Variants in RANBP6 observed in about 807,000 individuals in gnomAD.
RANBP6 encodes the protein RAN binding protein 6.
RANBP6 carries 10 observed loss-of-function variants against 35.3 expected under a neutral mutation model. The observed-to-expected ratio is 0.28, with a 90% confidence interval of 0.17 to 0.48. RANBP6 has a LOEUF of 0.48. Among genes scored for constraint, RANBP6 ranks in the 20% least tolerant of loss-of-function variants. RANBP6 has a pLI of 0.99. For missense variants in RANBP6, 1,392 were observed against 1,307.7 expected, an observed-to-expected ratio of 1.06 and a Z score of -0.99; for synonymous variants, 514 against 464.2, an observed-to-expected ratio of 1.11 and a Z score of -1.38.
rs749821590 is a variant in RANBP6 at position 6,013,315 on chromosome 9, T to C, written c.2293A>G (p.Ile765Val). Reference protein sequence around the residue: ...QFICDPLIKAIGTEPDTDVLS... With the variant: ...QFICDPLIKAVGTEPDTDVLS... ...ACATCTGTATCTGGTTCAGTACCAATAGCCTTGATTAAGGGGTCACATATG... is the reference window on the plus strand; with the variant it reads ...ACATCTGTATCTGGTTCAGTACCAACAGCCTTGATTAAGGGGTCACATATG... Residue 765 changes from isoleucine to valine, a missense_variant, in exon 1 of 1, where the codon ATT (isoleucine) becomes GTT (valine). Physicochemically the swap from Ile to Val is conservative, Grantham distance 29 (BLOSUM62 3). Transcript: ENST00000259569. 61 of 1,614,088 alleles carry C rather than the reference T, an allele frequency of 3.8e-5. No homozygotes were observed. Among genetic ancestry groups the C allele is most frequent in the Non-Finnish European group, 4.9e-5 (58 of 1,180,008 alleles).
rs1364629046 is a variant in RANBP6, at chr9:6,015,167, T to A, written c.441A>T (p.Ser147=). The A allele has an allele frequency of 1.2e-6, 2 of 1,614,108 alleles. No homozygotes were observed. ...WPEGLKFLID[S]IYSKNVVLWE... ...ATAGAACCACATTTTTGGAGTAGATTGAATCAATAAGAAACTTCAGACCTT... is the reference window on the plus strand; with the variant it reads ...ATAGAACCACATTTTTGGAGTAGATAGAATCAATAAGAAACTTCAGACCTT... The change falls in exon 1 of 1, where the codon TCA becomes TCT. Residue 147 remains serine (S), a synonymous_variant. Transcript: ENST00000259569.
chr9:6,012,603 G>A lies in RANBP6; in HGVS notation c.3005C>T (p.Pro1002Leu). 6.2e-7 allele frequency: 1 copy of A among 1,614,060 alleles called. No homozygotes were observed. The highest frequency in any genetic ancestry group is 8.5e-7 in the Non-Finnish European group (1 of 1,180,006). The change falls in exon 1 of 1, where the codon CCA becomes CTA. Residue 1002 changes from proline (P) to leucine (L), a missense_variant. Physicochemically the swap from Pro to Leu is moderately conservative, Grantham distance 98 (BLOSUM62 -3). Coordinates refer to ENST00000259569, the MANE Select transcript of RANBP6 (RefSeq NM_012416.4). ...CAGTGGAAGCCATGATAACCAGTGT[G>A]GAAGAACTTCATCTACATTTACACA... ...PNCVNVDEVL[P>L]HWLSWLPLHE...
chr9:6,012,043 G>C lies in RANBP6; in HGVS notation c.*247C>G. On this transcript the variant is annotated 3_prime_UTR_variant, in exon 1 of 1. Transcript: ENST00000259569. ...AATTTATATACTTTACATCAACTAG[G>C]GGAAAGGTGACAAACATTGTTTAAG... 2 of 340,748 alleles carry C rather than the reference G, an allele frequency of 5.9e-6. No individual in the cohort carries two copies. 21.1% of individuals were successfully genotyped at this position (340,748 alleles called of 1,614,324 possible).
At position 6,014,300 on chromosome 9, in the gene RANBP6, T is replaced by C; in HGVS notation, c.1308A>G (p.Thr436=). The C allele has an allele frequency of 6.2e-7, 1 of 1,614,246 alleles. No homozygotes were observed. The highest frequency in any genetic ancestry group is 8.5e-7 in the Non-Finnish European group (1 of 1,180,040). Residue 436 remains threonine (T), a synonymous_variant, in exon 1 of 1, where the codon ACA becomes ACG. Transcript: ENST00000259569. ...TCTTTTGGAAATTAGGTGCAAAATC[T>C]GTAGCCATCTGTCCAAGTGTAGTAC... ...AACTTLGQMA[T]DFAPNFQKKF... is the part of the protein sequence containing the mutation.
rs1478637149 is a variant in RANBP6, at chr9:6,014,087, C to T, written c.1521G>A (p.Glu507=). The change falls in exon 1 of 1, where the codon GAG becomes GAA. Residue 507 remains glutamate (E), a synonymous_variant. Transcript: ENST00000259569. ...CCAACTTAGTTCCATTCCGAATCAA[C>T]TCTTGAAGTTTAATCACCAAGACGG... ...LHSVLVIKLQ[E]LIRNGTKLAL... The T allele has an allele frequency of 1.9e-6, 3 of 1,613,990 alleles. No homozygotes were observed. Among genetic ancestry groups the T allele is most frequent in the Admixed American group, 1.7e-5 (1 of 60,012 alleles).
At position 6,013,295 on chromosome 9, in the gene RANBP6, T is replaced by C. The variant is rs757517853; in HGVS notation, c.2313A>G (p.Thr771=). 6 of 1,614,218 alleles carry C rather than the reference T, an allele frequency of 3.7e-6. No individual in the cohort carries two copies. In the South Asian group the frequency reaches 6.6e-5, roughly 18 times the overall value. The change falls in exon 1 of 1, where the codon ACA becomes ACG. Residue 771 remains threonine (T), a synonymous_variant. Coordinates refer to ENST00000259569, the MANE Select transcript of RANBP6 (RefSeq NM_012416.4). The part of the protein sequence containing the change: ...LIKAIGTEPD[T]DVLSEIMNSF... ...AATTCATTATTTCTGAGAGCACATC[T>C]GTATCTGGTTCAGTACCAATAGCCT...
In RANBP6 at chr9:6,014,095, G is replaced by C. The variant is rs767418443; in HGVS notation, c.1513C>G (p.Leu505Val). ...GTTCCATTCCGAATCAACTCTTGAA[G>C]TTTAATCACCAAGACGGAATGTAGA... ...KNLHSVLVIK[L>V]QELIRNGTKL... Residue 505 changes from leucine to valine, a missense_variant, in exon 1 of 1, where the codon CTT becomes GTT. Transcript: ENST00000259569. 6.2e-7 allele frequency: 1 copy of C among 1,614,028 alleles called. No individual in the cohort carries two copies.
rs562461096 is a variant in RANBP6 at position 6,011,645 on chromosome 9, A to C, written c.*645T>G. 2.6e-5 allele frequency: 4 copies of C among 152,322 alleles called. No homozygotes were observed. The South Asian group carries it at 8.3e-4, about 32-fold the overall frequency. The allele number at this position is 152,322 out of a possible 1,614,324, so 9.4% of individuals were successfully genotyped here. A position where few individuals can be genotyped will look rare whatever the true frequency, so the allele number is the denominator to read the frequency against. ...CTTGGAGTCCTGGATAACTTAAAAA[A>C]ATAGAGACCTGTCTGGCTAAAGAAA... On this transcript the variant is annotated 3_prime_UTR_variant, in exon 1 of 1. Coordinates refer to ENST00000259569, the MANE Select transcript of RANBP6 (RefSeq NM_012416.4).
rs753822820 is a variant in RANBP6 at position 6,014,335 on chromosome 9, C to T, written c.1273G>A (p.Ala425Thr). 1.9e-6 allele frequency: 3 copies of T among 1,613,962 alleles called. No individual in the cohort carries two copies. In the African/African-American group the frequency reaches 4.0e-5, roughly 22 times the overall value. Residue 425 changes from alanine to threonine, a missense_variant, in exon 1 of 1, where the codon GCT (alanine) becomes ACT (threonine). Transcript: ENST00000259569. ...TGTCCAAGTGTAGTACAGGCTGCAG[C>T]CCTCACCCTTGGATGAGGATCCTGA... The part of the protein sequence containing the change: ...FLQDPHPRVR[A>T]AACTTLGQMA...
chr9:6,012,144 C>T lies in RANBP6; in HGVS notation c.*146G>A. The T allele has an allele frequency of 3.2e-6, 2 of 615,576 alleles. No individual in the cohort carries two copies. Among genetic ancestry groups the T allele is most frequent in the East Asian group, 2.9e-5 (1 of 33,962 alleles). The allele number at this position is 615,576 out of a possible 1,614,324, so 38.1% of individuals were successfully genotyped here. On this transcript the variant is annotated 3_prime_UTR_variant, in exon 1 of 1. Coordinates refer to ENST00000259569, the MANE Select transcript of RANBP6 (RefSeq NM_012416.4). The stretch of plus-strand genomic sequence containing the variant: ...ATGCGAGATAAACAGAGGACTAACA[C>T]TGATTAATTCTGGAGAAACATGGAG...
rs1186992924 is a variant in RANBP6 at position 6,015,527 on chromosome 9, G to T, written c.81C>A (p.Ile27=). The T allele has an allele frequency of 1.9e-6, 3 of 1,612,982 alleles. No individual in the cohort carries two copies. Among genetic ancestry groups the T allele is most frequent in the African/African-American group, 2.7e-5 (2 of 75,048 alleles). ...GCCTCCGCACCATACAGCTTGGATT[G>T]ATCAGGTTCTTCAGAAGCTGGTAAA... ...QEFYQLLKNL[I]NPSCMVRRQA... The change falls in exon 1 of 1, where the codon ATC becomes ATA. Residue 27 remains isoleucine (I), a synonymous_variant. Transcript: ENST00000259569.
chr9:6,015,250 T>C lies in RANBP6; in HGVS notation c.358A>G (p.Ile120Val), dbSNP rs537072349. The change falls in exon 1 of 1, where the codon ATT becomes GTT. Residue 120 changes from isoleucine to valine, a missense_variant. Transcript: ENST00000259569. ...HASMRKKLCD[I>V]FAVLARNLID... Reference sequence around the variant, plus strand: ...AAATTCCTGGCCAGCACTGCAAAAATATCACAAAGTTTTTTCCTCATGCTA... The same window carrying C: ...AAATTCCTGGCCAGCACTGCAAAAACATCACAAAGTTTTTTCCTCATGCTA... 5 of 1,614,172 alleles carry C rather than the reference T, an allele frequency of 3.1e-6. No homozygotes were observed. The highest frequency in any genetic ancestry group is 1.3e-5 in the African/African-American group (1 of 75,048).
rs766011760 is a variant in RANBP6, at chr9:6,014,924, T to C, written c.684A>G (p.Gly228=). ...LFKDFADLLP[G]ILQAVNDSCY... ...ATGAGTCATTCACAGCCTGTAAGAT[T>C]CCAGGAAGCAAGTCTGCAAAGTCTT... The change falls in exon 1 of 1, where the codon GGA becomes GGG. Residue 228 remains glycine, a synonymous_variant. Coordinates refer to ENST00000259569, the MANE Select transcript of RANBP6 (RefSeq NM_012416.4). 2 of 1,614,150 alleles carry C rather than the reference T, an allele frequency of 1.2e-6. No individual in the cohort carries two copies. The highest frequency in any genetic ancestry group is 4.5e-5 in the East Asian group (2 of 44,886).
rs1204868828 is a variant in RANBP6, at chr9:6,015,299, C to G, written c.309G>C (p.Leu103=). ...VQRDVKIELI[L]AVKLETHASM... ...TAGCATGTGTTTCTAACTTAACAGCCAGAATCAGTTCAATCTTGACATCTC... is the reference window on the plus strand; with the variant it reads ...TAGCATGTGTTTCTAACTTAACAGCGAGAATCAGTTCAATCTTGACATCTC... Residue 103 remains leucine, a synonymous_variant, in exon 1 of 1, where the codon CTG becomes CTC. Transcript: ENST00000259569. 6.2e-7 allele frequency: 1 copy of G among 1,614,208 alleles called. No homozygotes were observed. Among genetic ancestry groups the G allele is most frequent in the East Asian group, 2.2e-5 (1 of 44,886 alleles).
rs754303239 is a variant in RANBP6, at chr9:6,014,744, G to A, written c.864C>T (p.Leu288=). ...TTTCAGACAAGGTCACTATAACTTC[G>A]AGGGCCAGCTGGCGCTGCAGATTAC... ...RLSNLQRQLA[L]EVIVTLSETA... is the part of the protein sequence containing the mutation. Residue 288 remains leucine (L), a synonymous_variant, in exon 1 of 1, where the codon CTC becomes CTT. Coordinates refer to ENST00000259569, the MANE Select transcript of RANBP6 (RefSeq NM_012416.4). 5.6e-6 allele frequency: 9 copies of A among 1,613,958 alleles called. No homozygotes were observed. Among genetic ancestry groups the A allele is most frequent in the Non-Finnish European group, 7.6e-6 (9 of 1,180,040 alleles).
In RANBP6 at chr9:6,011,523, T is replaced by A. The variant is rs1842470088; in HGVS notation, c.*767A>T. 1 of 152,202 alleles carries A rather than the reference T, an allele frequency of 6.6e-6. No individual in the cohort carries two copies. The highest frequency in any genetic ancestry group is 2.1e-4 in the South Asian group (1 of 4,830). The allele number at this position is 152,202 out of a possible 1,614,324, so 9.4% of individuals were successfully genotyped here. Reference sequence around the variant, plus strand: ...AATACTCTGCTGAAACACATAACACTGACTCCCAAGAATACTGCTTACTTA... The same window carrying A: ...AATACTCTGCTGAAACACATAACACAGACTCCCAAGAATACTGCTTACTTA... On this transcript the variant is annotated 3_prime_UTR_variant, in exon 1 of 1. Coordinates refer to ENST00000259569, the MANE Select transcript of RANBP6 (RefSeq NM_012416.4).
rs1304730762 is a variant in RANBP6, at chr9:6,014,228, A to T, written c.1380T>A (p.Asn460Lys). Residue 460 changes from asparagine (N) to lysine (K), a missense_variant, in exon 1 of 1, where the codon AAT becomes AAA. Asn to Lys is a moderately conservative substitution (Grantham distance 94). Coordinates refer to ENST00000259569, the MANE Select transcript of RANBP6 (RefSeq NM_012416.4). The part of the protein sequence containing the change: ...VIAALLRTME[N>K]QGNQRVQSHA... ...GTGATTGCACACGCTGATTACCTTG[A>T]TTTTCCATGGTACGTAACAGAGCTG... is the stretch of plus-strand genomic sequence containing the variant. The T allele has an allele frequency of 6.2e-7, 1 of 1,613,762 alleles. No homozygotes were observed. The highest frequency in any genetic ancestry group is 1.7e-5 in the Admixed American group (1 of 59,962).
Position 6,012,190 on chromosome 9 carries a change from CA to C in RANBP6, c.*99del. 1 of 892,070 alleles carries C rather than the reference CA, an allele frequency of 1.1e-6. No homozygotes were observed. Among genetic ancestry groups the C allele is most frequent in the Non-Finnish European group, 1.6e-6 (1 of 615,422 alleles). 55.3% of individuals were successfully genotyped at this position (892,070 alleles called of 1,614,324 possible). On this transcript the variant is annotated 3_prime_UTR_variant, in exon 1 of 1. Coordinates refer to ENST00000259569, the MANE Select transcript of RANBP6 (RefSeq NM_012416.4). ...TGGAGAAGAACTATAAACTGCTTAG[CA>C]GGGAGAAAACAGTTCTCTGATTTAT... is the stretch of plus-strand genomic sequence containing the variant.
rs1218398368 is a variant in RANBP6, at chr9:6,014,126, C to G, written c.1482G>C (p.Val494=). 2 of 1,614,004 alleles carry G rather than the reference C, an allele frequency of 1.2e-6. No homozygotes were observed. The highest frequency in any genetic ancestry group is 2.2e-5 in the East Asian group (1 of 44,886). Residue 494 remains valine (V), a synonymous_variant, in exon 1 of 1, where the codon GTG becomes GTC. Coordinates refer to ENST00000259569, the MANE Select transcript of RANBP6 (RefSeq NM_012416.4). ...SLLVLYVDSM[V]KNLHSVLVIK... ...TCACCAAGACGGAATGTAGATTTTT[C>G]ACCATACTATCCACATATAGAACTA...
Sources: allele counts gnomAD v4.1 joint callset, GRCh38; gene constraint gnomAD v4.1.1; transcripts MANE v1.5; gene names NCBI Gene and HGNC (gene_info 2026-07-23, HGNC 2026-07-21).